Variants in TASP1 observed in about 807,000 individuals in gnomAD.
The protein encoded by TASP1 is taspase 1.
In TASP1, 16 loss-of-function variants were observed where a neutral mutation model predicts 56.6. The ratio of observed to expected loss-of-function variants is 0.28; its 90% CI spans 0.19 to 0.43. TASP1 has a LOEUF of 0.43. TASP1 is among the 20% of genes least tolerant of loss of function. The pLI is 1.00. For missense variants in TASP1, 393 were observed against 511.6 expected, an observed-to-expected ratio of 0.77 and a Z score of 2.24; for synonymous variants, 179 against 184.2, an observed-to-expected ratio of 0.97 and a Z score of 0.23.
chr20:13,446,383 G>C (rs907123861), intron 11 of TASP1, among the ~76,000 whole-genome samples: 2 of 152,018 alleles, frequency 1.3e-5, no homozygotes, highest in Non-Finnish European at 1.5e-5. Flanking sequence ...TATCCTTAAT[G>C]GTTGTTAACT....
chr20:13,520,673 T>G (rs991100132), intron 10 of TASP1, among the ~76,000 whole-genome samples: 33 of 152,116 alleles, frequency 2.2e-4, no homozygotes, highest in Admixed American at 1.8e-3. Flanking sequence ...AAAAACCATA[T>G]AAGAAAACCT....
At chr20:13,473,081 C>T (rs2044577859) in intron 11 of TASP1, among the ~76,000 whole-genome samples, 2 of 152,180 alleles carry the variant, frequency 1.3e-5, no homozygotes, top group African/African-American at 4.8e-5. Flanking sequence ...AGATTTGGAA[C>T]CAACCCAAAC....
the TASP1 span, among the ~76,000 whole-genome samples, chr20:13,218,746 C>G: frequency 1.3e-5 from 2 of 152,184 alleles, no homozygotes; most frequent in Non-Finnish European, 2.9e-5. Flanking sequence ...CAGAGCCCTG[C>G]TGGCAAGCCT....
intron 4 of TASP1, among the ~76,000 whole-genome samples, chr20:13,609,405 C>G (rs2048269677): frequency 6.6e-6 from 1 of 152,094 alleles, no homozygotes; most frequent in African/African-American, 2.4e-5. Context: ...AAACACAGGC[C>G]AAGCGCGGTG....
rs1238856971 is a variant in TASP1, at chr20:13,391,942, T to C, written c.1171-1490A>G. Among the ~76,000 whole-genome samples, 3 of 136,386 alleles carry C rather than the reference T, an allele frequency of 2.2e-5. No homozygotes were observed. The Admixed American group carries it at 2.4e-4, about 11-fold the overall frequency. The allele number at this position is 136,386 out of a possible 152,430, so 89.5% of individuals were successfully genotyped here. ...GAGATCACGCCACTGCACTCGAGCC[T>C]GGGCGACAGAGCGAGACTCCGTCTC... On this transcript the variant is annotated intron_variant, in intron 13 of 13. Transcript: ENST00000337743.
At chr20:13,287,353 G>A in the TASP1 span, among the ~76,000 whole-genome samples, 4 of 152,196 alleles carry the variant, frequency 2.6e-5, no homozygotes, top group East Asian at 1.9e-4. Flanking sequence ...TCACTGCCAC[G>A]AAAACAACAT....
the TASP1 span, among the ~76,000 whole-genome samples, chr20:13,295,789 G>A: frequency 6.6e-6 from 1 of 152,212 alleles, no homozygotes; most frequent in Non-Finnish European, 1.5e-5. Context: ...CTTGTCGGGC[G>A]GTTCCCCTAC....
At chr20:13,411,002 T>A (rs1029792948) in intron 13 of TASP1, among the ~76,000 whole-genome samples, 10 of 152,196 alleles carry the variant, frequency 6.6e-5, no homozygotes, top group Non-Finnish European at 1.3e-4. Flanking sequence ...AATGGATTTT[T>A]ATATATGAAG....
chr20:13,582,557 AT>A (rs2047165023), intron 5 of TASP1, among the ~76,000 whole-genome samples: 1 of 152,162 alleles, frequency 6.6e-6, no homozygotes, highest in Non-Finnish European at 1.5e-5. Context: ...GCAAGATATC[AT>A]TTTTTTATTT....
At chr20:13,149,643 T>C in the TASP1 span, among the ~76,000 whole-genome samples, 2 of 152,216 alleles carry the variant, frequency 1.3e-5, no homozygotes, top group Non-Finnish European at 2.9e-5. Flanking sequence ...AGCCATGCTG[T>C]GCTAAATGGT....
chr20:13,514,544 C>G (rs553222665), intron 10 of TASP1, among the ~76,000 whole-genome samples: 21 of 152,214 alleles, frequency 1.4e-4, no homozygotes, highest in African/African-American at 4.8e-4. Flanking sequence ...AAGTCTGATT[C>G]CAAAGCCCAT....
chr20:13,105,009 A>T, the TASP1 span, among the ~76,000 whole-genome samples: 279 of 150,314 alleles, frequency 1.9e-3, 1 homozygote, highest in African/African-American at 5.7e-3. Context: ...TCATTATTTT[A>T]AAAAAAATCC....
the TASP1 span, among the ~76,000 whole-genome samples, chr20:13,221,056 T>G: frequency 2.0e-5 from 3 of 152,044 alleles, no homozygotes; most frequent in Admixed American, 2.0e-4. Flanking sequence ...GGCCCCCATC[T>G]GGAACCGGCC....
chr20:13,544,767 A>T (rs1249887465), intron 8 of TASP1, among the ~76,000 whole-genome samples: 1 of 152,214 alleles, frequency 6.6e-6, no homozygotes, highest in Non-Finnish European at 1.5e-5. Flanking sequence ...TTTAGGGCAC[A>T]TATTTATCTT....
chr20:13,615,820 T>G (rs1404963992), intron 4 of TASP1, among the ~76,000 whole-genome samples: 11 of 152,104 alleles, frequency 7.2e-5, no homozygotes. Flanking sequence ...TTAAAAATTA[T>G]GTAACTTAAG....
chr20:13,231,024 G>T, the TASP1 span, among the ~76,000 whole-genome samples: 23 of 152,056 alleles, frequency 1.5e-4, no homozygotes, highest in Non-Finnish European at 5.9e-5. Flanking sequence ...TCTCTTCCCT[G>T]CCTTCCTCCC....
chr20:13,402,749 A>C (rs1398728370), intron 13 of TASP1, among the ~76,000 whole-genome samples: 1 of 152,244 alleles, frequency 6.6e-6, no homozygotes, highest in Non-Finnish European at 1.5e-5. Flanking sequence ...ATTTAGCTGG[A>C]TACATCCATT....
chr20:13,570,981 TA>T (rs1371454579), intron 6 of TASP1, among the ~76,000 whole-genome samples: 1 of 152,218 alleles, frequency 6.6e-6, no homozygotes, highest in Non-Finnish European at 1.5e-5. Flanking sequence ...AGTTTGGAGT[TA>T]ATCTAATATT....
chr20:13,108,992 A>G, the TASP1 span, among the ~76,000 whole-genome samples: 10 of 152,222 alleles, frequency 6.6e-5, no homozygotes, highest in African/African-American at 2.4e-4. Flanking sequence ...GAAATGCAAA[A>G]AATACACAGT....
Sources: gnomAD v4.1 joint callset for allele counts (sites outside exome capture counted in the v4.1 genomes callset) on GRCh38, gnomAD v4.1.1 for gene constraint, MANE v1.5 for transcripts, NCBI Gene and HGNC (gene_info 2026-07-23, HGNC 2026-07-21) for gene names.